The following DGKG variants were observed in gnomAD, a reference collection of about 807,000 sequenced individuals.
The protein encoded by DGKG is DAG kinase gamma.
DGKG carries 78 observed loss-of-function variants against 105.3 expected under a neutral mutation model. The observed-to-expected ratio is 0.74, with a 90% CI of 0.62 to 0.89. DGKG has a LOEUF of 0.89. Ranked by LOEUF, DGKG falls within the 40% of genes least tolerant of loss-of-function variation. The probability of loss-of-function intolerance (pLI) is 0.00; values close to 1 mark genes in which losing one functional copy is unlikely to be tolerated. For synonymous variants in DGKG, 346 were observed against 367.1 expected, an observed-to-expected ratio of 0.94 and a Z score of 0.66; for missense variants, 958 against 1,020.1, an observed-to-expected ratio of 0.94 and a Z score of 0.83.
chr3:186,156,044 TG>T (rs779432255), intron 24 of DGKG, among the ~76,000 whole-genome samples: 106 of 152,328 alleles, frequency 7.0e-4, no homozygotes, highest in Non-Finnish European at 1.2e-3. Flanking sequence ...TTATACCTTG[TG>T]AGAATTAACC....
intron 5 of DGKG, among the ~76,000 whole-genome samples, chr3:186,293,451 G>A (rs1041601128): frequency 1.3e-5 from 2 of 152,176 alleles, no homozygotes; most frequent in Middle Eastern, 3.2e-3. Context: ...GAAACATCTC[G>A]ACAGCCTGAG....
intron 1 of DGKG, among the ~76,000 whole-genome samples, chr3:186,353,944 G>A (rs1456222491): frequency 5.9e-5 from 9 of 152,164 alleles, no homozygotes; most frequent in Admixed American, 5.9e-4. Context: ...ATGGCTACTA[G>A]CTTCCTAATA....
intron 17 of DGKG, among the ~76,000 whole-genome samples, chr3:186,256,005 G>A (rs921145791): frequency 6.6e-6 from 1 of 152,068 alleles, no homozygotes; most frequent in South Asian, 2.1e-4. Context: ...TGTCCTCTGC[G>A]GATGAACTGC....
chr3:186,222,550 T>G (rs7648566), intron 20 of DGKG, among the ~76,000 whole-genome samples: 1 of 152,138 alleles, frequency 6.6e-6, no homozygotes, highest in Non-Finnish European at 1.5e-5. Flanking sequence ...TAATTAAGAA[T>G]ACACACACAT....
intron 3 of DGKG, among the ~76,000 whole-genome samples, chr3:186,304,812 A>G (rs538295711): frequency 6.6e-6 from 1 of 152,364 alleles, no homozygotes; most frequent in Admixed American, 6.5e-5. Flanking sequence ...ATATTATTCA[A>G]GACCACTTGT....
In DGKG at chr3:186,267,741, C is replaced by T. The variant is rs184322859; in HGVS notation, c.1153G>A (p.Gly385Ser). ...AAGATGTGGTCTCTGAGTTCCCCAC[C>T]GTCACACAACGTTGATAATTCACAT... ...RKCELSTLCDGGELRDHILLP... is the reference protein window; with the variant it reads ...RKCELSTLCDSGELRDHILLP... Residue 385 changes from glycine to serine, a missense_variant, in exon 13 of 25, where the codon GGT (glycine) becomes AGT (serine). Transcript: ENST00000265022. 48 of 1,613,926 alleles carry T rather than the reference C, an allele frequency of 3.0e-5. No homozygotes were observed. The East Asian group carries it at 5.6e-4, about 19-fold the overall frequency.
At chr3:186,207,741 A>C (rs566781786) in intron 21 of DGKG, among the ~76,000 whole-genome samples, 39 of 152,354 alleles carry the variant, frequency 2.6e-4, no homozygotes, top group African/African-American at 9.1e-4. Context: ...ACAGGTGAGC[A>C]GGAGATTTAG....
At chr3:186,355,432 A>G (rs1198913491) in intron 1 of DGKG, among the ~76,000 whole-genome samples, 2 of 144,394 alleles carry the variant, frequency 1.4e-5, no homozygotes, top group Non-Finnish European at 3.0e-5. Context: ...CATGAACACT[A>G]CTCCCACCAC....
intron 1 of DGKG, among the ~76,000 whole-genome samples, chr3:186,335,709 A>C (rs573349827): frequency 3.0e-4 from 45 of 152,310 alleles, no homozygotes; most frequent in East Asian, 1.5e-3. Flanking sequence ...AATAGCCTTA[A>C]AATGTACATT....
chr3:186,329,489 T>C (rs1725499842), intron 1 of DGKG, among the ~76,000 whole-genome samples: 1 of 152,280 alleles, frequency 6.6e-6, no homozygotes, highest in Admixed American at 6.5e-5. Flanking sequence ...AACAAACACC[T>C]CCTCATCTCC....
At chr3:186,184,047 C>A (rs1020342383) in intron 22 of DGKG, among the ~76,000 whole-genome samples, 2 of 152,006 alleles carry the variant, frequency 1.3e-5, no homozygotes, top group South Asian at 2.1e-4. Context: ...GATAGTAATG[C>A]TTAGGACAAG....
At chr3:186,199,240 C>T (rs535872374) in intron 21 of DGKG, among the ~76,000 whole-genome samples, 9 of 152,114 alleles carry the variant, frequency 5.9e-5, no homozygotes, top group South Asian at 2.1e-4. Flanking sequence ...TGAGCCACCA[C>T]GCCTGGCTTT....
intron 5 of DGKG, among the ~76,000 whole-genome samples, chr3:186,297,066 TCTCACACA>T (rs1458693025): frequency 2.4e-5 from 3 of 123,684 alleles, no homozygotes; most frequent in African/African-American, 3.3e-5. Flanking sequence ...TGTCTGTCTC[TCTCACACA>T]CACACACACA....
rs1252154387 is a variant in DGKG at position 186,251,910 on chromosome 3, C to A, written c.1610G>T (p.Gly537Val). 5 of 1,578,576 alleles carry A rather than the reference C, an allele frequency of 3.2e-6. No homozygotes were observed. The highest frequency in any genetic ancestry group is 1.7e-6 in the Non-Finnish European group (2 of 1,160,774). ...RCLRWGGGYE[G>V]GSLTKILKDI... is the part of the protein sequence containing the mutation. ...TTTCAGGATTTTTGTCAAGCTGCCC[C>A]CTTCATAACCTGTGGAGGACAGCAC... is the stretch of plus-strand genomic sequence containing the variant. Residue 537 changes from glycine to valine, a missense_variant, in exon 19 of 25, where the codon GGG (glycine) becomes GTG (valine). Around this residue, in one of 2 missense-constraint regions of DGKG, gnomAD observed 315 missense variants for 400.6 expected, o/e 0.79. Coordinates refer to ENST00000265022, the MANE Select transcript of DGKG (RefSeq NM_001346.3).
intron 22 of DGKG, among the ~76,000 whole-genome samples, chr3:186,176,867 T>C (rs56345733): frequency 0.1 from 15,871 of 152,226 alleles, 2,847 homozygotes; most frequent in African/African-American, 0.36. Context: ...CAAAGGTCCC[T>C]GCTGATGCCT....
In DGKG at chr3:186,203,921, A is replaced by C. The variant is rs147256074; in HGVS notation, c.1917+7874T>G. Among the ~76,000 whole-genome samples, 6 of 152,286 alleles carry C rather than the reference A, an allele frequency of 3.9e-5. No individual in the cohort carries two copies. The highest frequency in any genetic ancestry group is 8.8e-5 in the Non-Finnish European group (6 of 68,026). On this transcript the variant is annotated intron_variant, in intron 21 of 24. Transcript: ENST00000265022. The surrounding 1 kb of genome is among the most constrained non-coding windows in gnomAD (Gnocchi z 4.9). ...CTGAGAAGAAGGTTCAGATCATATC[A>C]GGAGAGACCAAGACTTGAAGACCTC...
chr3:186,316,409 A>G (rs1008479396), intron 2 of DGKG, among the ~76,000 whole-genome samples: 2 of 152,252 alleles, frequency 1.3e-5, no homozygotes, highest in South Asian at 4.1e-4. Flanking sequence ...GTGCTTGCAT[A>G]TTTTGATATC....
intron 1 of DGKG, among the ~76,000 whole-genome samples, chr3:186,332,488 A>T (rs1725648539): frequency 6.6e-6 from 1 of 152,034 alleles, no homozygotes; most frequent in Non-Finnish European, 1.5e-5. Flanking sequence ...TCCTTTATGA[A>T]ATTACTACCT....
At chr3:186,295,434 G>A (rs949244606) in intron 5 of DGKG, among the ~76,000 whole-genome samples, 8 of 151,726 alleles carry the variant, frequency 5.3e-5, no homozygotes, top group East Asian at 1.9e-4. Flanking sequence ...CCAGGGAGGC[G>A]GAGGTCTCAG....
Sources: gnomAD v4.1 joint callset for allele counts (sites outside exome capture counted in the v4.1 genomes callset) on GRCh38, gnomAD v4.1.1 for gene constraint, gnomAD v4.1.1 regional missense constraint, Gnocchi (gnomAD v3.1) non-coding constraint, MANE v1.5 for transcripts, NCBI Gene and HGNC (gene_info 2026-07-23, HGNC 2026-07-21) for gene names.